The following KIAA1217 variants were observed in gnomAD, a reference collection of about 807,000 sequenced individuals.
The protein encoded by KIAA1217 is sickle tail protein homolog.
A neutral mutation model predicts 163.9 loss-of-function variants in KIAA1217; 88 were observed. The ratio of observed to expected loss-of-function variants is 0.54; its 90% CI spans 0.45 to 0.64. The LOEUF is 0.64. Among genes scored for constraint, KIAA1217 ranks in the 30% least tolerant of loss-of-function variants. The pLI is 0.00. For missense variants in KIAA1217, 2,372 were observed against 2,475.0 expected (o/e 0.96, Z 0.88); for synonymous variants, 903 against 923.1 (o/e 0.98, Z 0.39).
At chr10:24,280,893 C>A (rs1410205514) in intron 2 of KIAA1217, among the ~76,000 whole-genome samples, 2 of 151,634 alleles carry the variant, frequency 1.3e-5, no homozygotes, top group African/African-American at 4.8e-5. Flanking sequence ...ATAAAATTAT[C>A]AAATACTCTA....
chr10:23,744,526 G>C (rs1227862062), intron 1 of KIAA1217, among the ~76,000 whole-genome samples: 1 of 152,096 alleles, frequency 6.6e-6, no homozygotes, highest in Non-Finnish European at 1.5e-5. Context: ...CATCCCGAGT[G>C]TATCATAAAG....
At chr10:24,001,463 A>C (rs1399112152) in intron 1 of KIAA1217, among the ~76,000 whole-genome samples, 5 of 152,268 alleles carry the variant, frequency 3.3e-5, no homozygotes, top group African/African-American at 1.2e-4. Context: ...GATATGCTAT[A>C]ATAAGAGATA....
intron 2 of KIAA1217, among the ~76,000 whole-genome samples, chr10:24,378,417 T>C (rs2134723956): frequency 6.6e-6 from 1 of 152,260 alleles, no homozygotes; most frequent in African/African-American, 2.4e-5. Flanking sequence ...ACCTACACTC[T>C]TCCTCCTCCC....
chr10:24,117,054 G>GGC (rs2063085384), intron 2 of KIAA1217, among the ~76,000 whole-genome samples: 1 of 151,510 alleles, frequency 6.6e-6, no homozygotes, highest in African/African-American at 2.4e-5. Flanking sequence ...TTGGGTGGGG[G>GGC]GGGATGGAGT....
chr10:23,832,151 T>A (rs1838234911), intron 1 of KIAA1217, among the ~76,000 whole-genome samples: 1 of 152,180 alleles, frequency 6.6e-6, no homozygotes, highest in South Asian at 2.1e-4. Flanking sequence ...AAATAGCAGA[T>A]TGTCACTTAT....
intron 1 of KIAA1217, among the ~76,000 whole-genome samples, chr10:24,211,361 C>CTTT (rs1201397959): frequency 0.011 from 643 of 60,140 alleles, 31 homozygotes; most frequent in African/African-American, 0.04. Flanking sequence ...GGTGGGACTA[C>CTTT]TTTTTTTTTT....
chr10:24,480,679 T>A (rs969140983), intron 6 of KIAA1217, among the ~76,000 whole-genome samples: 4 of 152,210 alleles, frequency 2.6e-5, no homozygotes, highest in Admixed American at 2.6e-4. Context: ...TACTAAGTGC[T>A]ACTAAAGAGG....
chr10:24,321,657 G>A (rs1169476465), intron 2 of KIAA1217, among the ~76,000 whole-genome samples: 1 of 152,176 alleles, frequency 6.6e-6, no homozygotes, highest in African/African-American at 2.4e-5. Context: ...AGTGAACTAA[G>A]CCAGTCACCA....
chr10:24,351,099 C>A (rs2048403407), intron 2 of KIAA1217, among the ~76,000 whole-genome samples: 1 of 152,118 alleles, frequency 6.6e-6, no homozygotes, highest in African/African-American at 2.4e-5. Flanking sequence ...AGGCATGCGA[C>A]CATACGCAGA....
At chr10:23,827,867 G>A (rs186605499) in intron 1 of KIAA1217, among the ~76,000 whole-genome samples, 15 of 152,268 alleles carry the variant, frequency 9.9e-5, no homozygotes, top group Non-Finnish European at 1.8e-4. Flanking sequence ...ATCAGAAAGG[G>A]TGACTTCCCC....
At chr10:24,362,283 C>T (rs1310375982) in intron 2 of KIAA1217, among the ~76,000 whole-genome samples, 1 of 152,116 alleles carries the variant, frequency 6.6e-6, no homozygotes, top group Non-Finnish European at 1.5e-5. Context: ...TGTTGTGGGA[C>T]TTCCAAAGCA....
chr10:23,849,072 T>C (rs1839181198), intron 1 of KIAA1217, among the ~76,000 whole-genome samples: 1 of 152,054 alleles, frequency 6.6e-6, no homozygotes, highest in Admixed American at 6.6e-5. Flanking sequence ...GATGAAAGAA[T>C]GGGGAAATAA....
rs1843640742 is a variant in KIAA1217 at position 23,938,817 on chromosome 10, G to A, written c.-320-68408G>A. On this transcript the variant is annotated intron_variant, in intron 1 of 18. Transcript: ENST00000376462. ...AAGAGATGACTGTGTATATGCATAC[G>A]TATATGCCATATTCAACAAGGTAAA... Among the ~76,000 whole-genome samples the A allele has an allele frequency of 3.3e-5, 5 of 152,250 alleles. No individual in the cohort carries two copies. In the South Asian group the frequency reaches 8.3e-4, roughly 25 times the overall value.
intron 2 of KIAA1217, among the ~76,000 whole-genome samples, chr10:24,374,343 A>T (rs2052148316): frequency 6.6e-6 from 1 of 152,232 alleles, no homozygotes; most frequent in Non-Finnish European, 1.5e-5. Context: ...CCTGGCAAGT[A>T]TCCACAAACT....
Position 24,546,983 on chromosome 10 carries a change from AGT to A in KIAA1217, c.*664_*665del, listed in dbSNP as rs918215462. On this transcript the variant is annotated 3_prime_UTR_variant, in exon 21 of 21. Transcript: ENST00000376454. Reference sequence around the variant, plus strand: ...TCAAACCTATTGCACTGCCATGAAAAGTGTGTATAATAATTTGCTAGCCCAAG... The same window carrying A: ...TCAAACCTATTGCACTGCCATGAAAAGTGTATAATAATTTGCTAGCCCAAG... 6.6e-6 allele frequency: 1 copy of A among 152,394 alleles called. No individual in the cohort carries two copies. Among genetic ancestry groups the A allele is most frequent in the Admixed American group, 6.6e-5 (1 of 15,256 alleles). The allele number at this position is 152,394 out of a possible 1,614,324, so 9.4% of individuals were successfully genotyped here.
intron 1 of KIAA1217, among the ~76,000 whole-genome samples, chr10:23,896,475 A>G (rs1406533913): frequency 6.6e-6 from 1 of 152,036 alleles, no homozygotes; most frequent in Non-Finnish European, 1.5e-5. Context: ...TGACTGATAG[A>G]GATCTTTCTG....
intron 1 of KIAA1217, among the ~76,000 whole-genome samples, chr10:23,898,159 G>A (rs1841787271): frequency 6.6e-6 from 1 of 151,920 alleles, no homozygotes; most frequent in African/African-American, 2.4e-5. Flanking sequence ...TTCTAACCAG[G>A]ATACCGGGTA....
chr10:23,812,800 T>G (rs1214370156), intron 1 of KIAA1217, among the ~76,000 whole-genome samples: 2 of 152,192 alleles, frequency 1.3e-5, no homozygotes. Flanking sequence ...GTATGTGGTT[T>G]TTTGTGTGTG....
At chr10:24,094,496 C>G (rs2062068736) in intron 2 of KIAA1217, among the ~76,000 whole-genome samples, 1 of 152,224 alleles carries the variant, frequency 6.6e-6, no homozygotes, top group Non-Finnish European at 1.5e-5. Context: ...TAGAGGTCCA[C>G]TCCAGACCCT....
Sources: allele counts gnomAD v4.1 joint callset (sites outside exome capture counted in the v4.1 genomes callset), GRCh38; gene constraint gnomAD v4.1.1; transcripts MANE v1.5; gene names NCBI Gene and HGNC (gene_info 2026-07-23, HGNC 2026-07-21).